The following CCDC38 variants were observed in gnomAD, a reference collection of about 807,000 sequenced individuals.
CCDC38 encodes the protein coiled-coil domain containing 38.
In CCDC38, 69 loss-of-function variants were observed where a neutral mutation model predicts 72.8. That is an observed-to-expected ratio of 0.95 (90% CI 0.78 to 1.16). The LOEUF (loss-of-function observed/expected upper bound fraction) is 1.16. CCDC38 is among the 50% of genes most tolerant of loss of function. The pLI is 0.00. For synonymous variants in CCDC38, 201 were observed against 213.2 expected, an observed-to-expected ratio of 0.94 and a Z score of 0.50; for missense variants, 626 against 638.9, an observed-to-expected ratio of 0.98 and a Z score of 0.22.
intron 1 of CCDC38, among the ~76,000 whole-genome samples, chr12:95,937,418 G>A (rs984382015): frequency 2.6e-5 from 4 of 152,100 alleles, no homozygotes; most frequent in African/African-American, 9.7e-5. Context: ...TATGCATGAA[G>A]CTAGAGCTTC....
intron 1 of CCDC38, among the ~76,000 whole-genome samples, chr12:95,938,121 A>G (rs1292268728): frequency 6.6e-6 from 1 of 152,252 alleles, no homozygotes; most frequent in East Asian, 1.9e-4. Flanking sequence ...TTAAAAAATT[A>G]TGTCAAAGCT....
At position 95,879,817 on chromosome 12, in the gene CCDC38, A is replaced by G; in HGVS notation, c.991-22T>C. ...GCTCCTAATTAATCAATAATGAAGA[A>G]TATAATTTACTTAAAAATATGCTAC... On this transcript the variant is annotated intron_variant, in intron 11 of 15. Transcript: ENST00000344280. This position sits in a 1 kb window ranked among gnomAD's most constrained non-coding sequence, Gnocchi z 5.5. The G allele has an allele frequency of 6.4e-7, 1 of 1,554,536 alleles. No individual in the cohort carries two copies.
intron 10 of CCDC38, among the ~76,000 whole-genome samples, chr12:95,884,483 TA>T (rs1268964536): frequency 6.6e-6 from 1 of 152,208 alleles, no homozygotes; most frequent in Admixed American, 6.5e-5. Context: ...TGTAACATAG[TA>T]AAGAAATCAA....
At chr12:95,920,658 T>C (rs1030006978) in intron 2 of CCDC38, among the ~76,000 whole-genome samples, 1 of 151,162 alleles carries the variant, frequency 6.6e-6, no homozygotes, top group Non-Finnish European at 1.5e-5. Context: ...GGCATATTCA[T>C]GGAGATAGAA....
chr12:95,868,965 C>T (rs1365914085), intron 15 of CCDC38, among the ~76,000 whole-genome samples: 1 of 152,176 alleles, frequency 6.6e-6, no homozygotes, highest in Non-Finnish European at 1.5e-5. Context: ...ACATGCGATT[C>T]TCTGGGTTCA....
At position 95,895,018 on chromosome 12, in the gene CCDC38, G is replaced by A. The variant is rs1376755134; in HGVS notation, c.743C>T (p.Ala248Val). 1.2e-6 allele frequency: 2 copies of A among 1,609,002 alleles called. No homozygotes were observed. The highest frequency in any genetic ancestry group is 3.4e-5 in the Admixed American group (2 of 59,082). ...TAATATTTTTGGAAGGATGATATTT[G>A]CTTTACTTTTTGATGCCTGTGCTCT... ...LKRAQASKSK[A>V]NIILPKILAK... is the part of the protein sequence containing the mutation. The change falls in exon 8 of 16, where the codon GCA becomes GTA. Residue 248 changes from alanine to valine, a missense_variant. Physicochemically the swap from Ala to Val is moderately conservative, Grantham distance 64 (BLOSUM62 0). Transcript: ENST00000344280.
chr12:95,869,984 C>T (rs1352916613), intron 14 of CCDC38, among the ~76,000 whole-genome samples: 1 of 152,064 alleles, frequency 6.6e-6, no homozygotes, highest in Non-Finnish European at 1.5e-5. Context: ...CCACCACACC[C>T]GGCTAATTTT....
chr12:95,919,066 G>T, intron 2 of CCDC38, 90 bp from the exon 3 acceptor site: 2 of 792,270 alleles, frequency 2.5e-6, no homozygotes, highest in Admixed American at 2.2e-5. Flanking sequence ...AGGGTGGAAT[G>T]AATGGGATGC....
rs770724513 is a variant in CCDC38, at chr12:95,936,541, A to C, written c.-14-18T>G. The C allele has an allele frequency of 5.0e-6, 8 of 1,607,564 alleles. No homozygotes were observed. The Admixed American group carries it at 8.4e-5, about 17-fold the overall frequency. On this transcript the variant is annotated intron_variant, in intron 1 of 15. Coordinates refer to ENST00000344280, the MANE Select transcript of CCDC38 (RefSeq NM_182496.3). ...GCCTGGCCCTGTTGAAAGAAAAAAA[A>C]ATACGTTTTTTAAAAATTCTATGAA...
At chr12:95,934,867 G>A (rs1818395132) in intron 2 of CCDC38, 1 of 152,102 alleles carries the variant, frequency 6.6e-6, no homozygotes, top group Admixed American at 6.6e-5. Flanking sequence ...AAATTAGCCA[G>A]GCGTGGTGGG....
chr12:95,919,398 T>G, intron 2 of CCDC38: 1 of 399,594 alleles, frequency 2.5e-6, no homozygotes, highest in South Asian at 1.8e-5. Context: ...CAGCTATTGT[T>G]ACAGGGCATA....
chr12:95,919,001 A>C, intron 2 of CCDC38, 25 bp from the exon 3 acceptor site: 1 of 1,398,944 alleles, frequency 7.1e-7, no homozygotes, highest in Non-Finnish European at 1.0e-6. Flanking sequence ...AGAATGAATG[A>C]ATGAATTCTG....
chr12:95,921,749 G>T (rs1181080208), intron 2 of CCDC38, among the ~76,000 whole-genome samples: 1 of 17,734 alleles, frequency 5.6e-5, no homozygotes, highest in Non-Finnish European at 9.0e-5. Flanking sequence ...TTAAATCAGA[G>T]ATAGGAAGAT....
At chr12:95,894,942 A>C in intron 8 of CCDC38, 47 bp downstream of exon 8, 1 of 1,425,844 alleles carries the variant, frequency 7.0e-7, no homozygotes, top group Non-Finnish European at 9.6e-7. Flanking sequence ...AGATGATTTT[A>C]GAGTTAGGGA....
chr12:95,935,458 A>G (rs1216878036), intron 2 of CCDC38: 4 of 204,726 alleles, frequency 2.0e-5, no homozygotes, highest in Non-Finnish European at 3.1e-5. Flanking sequence ...AACATAGCCC[A>G]GGAACAGGCC....
chr12:95,881,214 A>G (rs1321188285), intron 11 of CCDC38, among the ~76,000 whole-genome samples: 2 of 150,364 alleles, frequency 1.3e-5, no homozygotes, highest in East Asian at 3.9e-4. Context: ...CTATTTTTAC[A>G]AGAAGATTGT....
intron 7 of CCDC38, among the ~76,000 whole-genome samples, chr12:95,897,321 T>C (rs1299499988): frequency 6.6e-6 from 1 of 152,024 alleles, no homozygotes; most frequent in Non-Finnish European, 1.5e-5. Context: ...TACTTAAAAT[T>C]AGTTAGGCCG....
intron 12 of CCDC38, 46 bp from the exon 13 acceptor site, chr12:95,878,392 G>T: frequency 6.3e-7 from 1 of 1,575,368 alleles, no homozygotes. Flanking sequence ...TTTGTGGTTA[G>T]TGAAATAACC....
intron 14 of CCDC38, 169 bp from the exon 15 acceptor site, chr12:95,869,742 C>A (rs2079560166): frequency 3.6e-6 from 2 of 550,944 alleles, no homozygotes; most frequent in East Asian, 6.7e-5. Flanking sequence ...TCAGGTAAAT[C>A]TCGACAACAA....
Sources: allele counts gnomAD v4.1 joint callset (sites outside exome capture counted in the v4.1 genomes callset), GRCh38; gene constraint gnomAD v4.1.1; non-coding constraint Gnocchi (gnomAD v3.1); transcripts MANE v1.5; gene names NCBI Gene and HGNC (gene_info 2026-07-23, HGNC 2026-07-21).